DNPEP: variants seen among roughly 807,000 people sequenced by gnomAD.
DNPEP encodes the protein aspartyl aminopeptidase.
Under a neutral mutation model 59.1 loss-of-function variants are expected in DNPEP, and 46 were observed. The ratio of observed to expected loss-of-function variants is 0.78; its 90% CI spans 0.61 to 0.99. The LOEUF is 0.99. Ranked by LOEUF, DNPEP falls within the 50% of genes least tolerant of loss-of-function variation. DNPEP has a pLI of 0.00. For missense variants in DNPEP, 617 were observed against 649.9 expected, an observed-to-expected ratio of 0.95 and a Z score of 0.55; for synonymous variants, 229 against 242.2, an observed-to-expected ratio of 0.95 and a Z score of 0.50.
intron 6 of DNPEP, 116 bp downstream of exon 6, chr2:219,385,851 CT>C (rs2125140651): frequency 6.7e-7 from 1 of 1,491,086 alleles, no homozygotes; most frequent in African/African-American, 1.4e-5. Flanking sequence ...TGTGAGGACC[CT>C]TAGAAATTAA....
In DNPEP at chr2:219,387,741, C is replaced by A; in HGVS notation, c.36+18G>T. 6.2e-7 allele frequency: 1 copy of A among 1,607,750 alleles called. No individual in the cohort carries two copies. Among genetic ancestry groups the A allele is most frequent in the South Asian group, 1.1e-5 (1 of 90,838 alleles). ...GTCTGGGATCGAAATTCAAGTGGGG[C>A]CGTCGGGAGCCACTTACCTGCATGG... is the stretch of plus-strand genomic sequence containing the variant. On this transcript the variant is annotated intron_variant, in intron 1 of 14. Transcript: ENST00000273075.
intron 13 of DNPEP, among the ~76,000 whole-genome samples, chr2:219,378,381 G>A (rs571696540): frequency 4.7e-4 from 72 of 152,198 alleles, no homozygotes; most frequent in African/African-American, 1.7e-3. Flanking sequence ...TGTGCCCTCT[G>A]GCTGGGACCC....
chr2:219,382,114 G>C lies in DNPEP; in HGVS notation c.962C>G (p.Ala321Gly), dbSNP rs1953628817. Residue 321 changes from alanine (A) to glycine (G), a missense_variant, in exon 11 of 15, where the codon GCA (alanine) becomes GGA (glycine). Ala to Gly is a moderately conservative substitution (Grantham distance 60, BLOSUM62 0). Coordinates refer to ENST00000273075, the MANE Select transcript of DNPEP (RefSeq NM_012100.4). The part of the protein sequence containing the change: ...EEVGSESAQG[A>G]QSLLTELVLR... ...CACCAGCTCTGTCAGCAGTGACTGT[G>C]CTCCCTGTGCACTCTCAGACCCCAC... 6.2e-7 allele frequency: 1 copy of C among 1,612,340 alleles called. No homozygotes were observed. The highest frequency in any genetic ancestry group is 1.6e-4 in the Middle Eastern group (1 of 6,062).
chr2:219,381,670 T>G (rs1458436308), intron 11 of DNPEP, 86 bp from the exon 12 acceptor site: 1 of 1,413,464 alleles, frequency 7.1e-7, no homozygotes, highest in African/African-American at 1.4e-5. Context: ...ACATCACTAA[T>G]AGATCACCAC....
intron 13 of DNPEP, among the ~76,000 whole-genome samples, chr2:219,379,062 C>T (rs550343541): frequency 5.9e-5 from 9 of 152,128 alleles, no homozygotes; most frequent in Admixed American, 2.6e-4. Flanking sequence ...GGATTACAGG[C>T]GCACACCACC....
At chr2:219,398,637 A>G (rs1954136343) in intron 1 of DNPEP, among the ~76,000 whole-genome samples, 1 of 152,122 alleles carries the variant, frequency 6.6e-6, no homozygotes, top group Non-Finnish European at 1.5e-5. Context: ...GCGACAGAGC[A>G]AGACTCCATC....
At chr2:219,381,308 A>G in intron 13 of DNPEP, 27 bp downstream of exon 13, 2 of 1,605,390 alleles carry the variant, frequency 1.2e-6, no homozygotes, top group Non-Finnish European at 1.7e-6. Flanking sequence ...CCTCCATCAC[A>G]CCTTCCCAGG....
chr2:219,385,806 C>A, intron 6 of DNPEP, 100 bp from the exon 7 acceptor site: 1 of 1,417,350 alleles, frequency 7.1e-7, no homozygotes. Flanking sequence ...TGCCTCTGCC[C>A]TTCAATTCCC....
chr2:219,388,689 C>T (rs1953957442), upstream of DNPEP: 9 of 985,616 alleles, frequency 9.1e-6, no homozygotes, highest in South Asian at 3.3e-4. Context: ...AAAAGCTCGC[C>T]CCTCCAGCTC....
rs928461635 is a variant in DNPEP, at chr2:219,372,630, G to C, written c.*1662C>G. ...GATCTGCCCACCTCGGCCTCCCAAAGTGCTGGGATTACAGGCATAAGCCAC... is the reference window on the plus strand; with the variant it reads ...GATCTGCCCACCTCGGCCTCCCAAACTGCTGGGATTACAGGCATAAGCCAC... On this transcript the variant is annotated 3_prime_UTR_variant, in exon 15 of 15. Coordinates refer to ENST00000273075, the MANE Select transcript of DNPEP (RefSeq NM_012100.4). Among the ~76,000 whole-genome samples, 1 of 152,108 alleles carries C rather than the reference G, an allele frequency of 6.6e-6. No individual in the cohort carries two copies. Among genetic ancestry groups the C allele is most frequent in the African/African-American group, 2.4e-5 (1 of 41,418 alleles).
upstream of DNPEP, chr2:219,387,965 C>T (rs1304625552): frequency 1.8e-4 from 237 of 1,326,768 alleles, 2 homozygotes; most frequent in Admixed American, 2.4e-4. Context: ...CCTCTCCCCG[C>T]CCCTCGGCAT....
At chr2:219,399,626 C>T in intron 1 of DNPEP, 1 of 639,696 alleles carries the variant, frequency 1.6e-6, no homozygotes, top group South Asian at 1.7e-5. Flanking sequence ...GAGAATAGGG[C>T]ACCAGACAGG....
At chr2:219,388,774 C>CTAA (rs2125147952), upstream of DNPEP, 1 of 985,522 alleles carries the variant, frequency 1.0e-6, no homozygotes, top group African/African-American at 1.7e-5. Context: ...AGCAATAAGG[C>CTAA]TAATGTCCAT....
intron 1 of DNPEP, among the ~76,000 whole-genome samples, chr2:219,394,151 C>T (rs1441927589): frequency 6.6e-6 from 1 of 152,160 alleles, no homozygotes; most frequent in Non-Finnish European, 1.5e-5. Flanking sequence ...TTTCCCGATT[C>T]CTCTCCTCCC....
chr2:219,379,610 T>A (rs1462866386), intron 13 of DNPEP, among the ~76,000 whole-genome samples: 4 of 152,136 alleles, frequency 2.6e-5, no homozygotes, highest in East Asian at 1.9e-4. Flanking sequence ...TCAAAAATTT[T>A]AAAAATGGAA....
intron 13 of DNPEP, 63 bp downstream of exon 13, chr2:219,381,272 C>T: frequency 1.4e-6 from 2 of 1,435,334 alleles, no homozygotes; most frequent in Non-Finnish European, 2.0e-6. Context: ...ATGGGGGGCC[C>T]ATCTGTTTGT....
chr2:219,399,372 C>CT, intron 1 of DNPEP: 1 of 453,676 alleles, frequency 2.2e-6, no homozygotes, highest in Non-Finnish European at 4.4e-6. Context: ...TGTTTAAACT[C>CT]TAAGGCAGTG....
intron 1 of DNPEP, among the ~76,000 whole-genome samples, chr2:219,398,302 C>T (rs73085239): frequency 6.6e-6 from 1 of 152,234 alleles, no homozygotes; most frequent in Admixed American, 6.5e-5. Context: ...CCTGGCCTGA[C>T]ATGTAGTAGG....
chr2:219,397,029 C>G (rs910237981), intron 1 of DNPEP, among the ~76,000 whole-genome samples: 4 of 152,220 alleles, frequency 2.6e-5, no homozygotes, highest in African/African-American at 9.7e-5. Context: ...ACTGGCACTT[C>G]ACAAAGGTCT....
Sources: gnomAD v4.1 joint callset for allele counts (sites outside exome capture counted in the v4.1 genomes callset) on GRCh38, gnomAD v4.1.1 for gene constraint, MANE v1.5 for transcripts, NCBI Gene and HGNC (gene_info 2026-07-23, HGNC 2026-07-21) for gene names.